The following CTCF variants were observed in gnomAD, a reference collection of about 807,000 sequenced individuals.
CTCF encodes the protein CCCTC-binding factor.
In CTCF, 7 loss-of-function variants were observed where a neutral mutation model predicts 72.3. The ratio of observed to expected loss-of-function variants is 0.10; its 90% confidence interval spans 0.06 to 0.18. The LOEUF (loss-of-function observed/expected upper bound fraction) is 0.18. CTCF is among the 10% of genes least tolerant of loss of function. The pLI, the probability that CTCF is intolerant of heterozygous loss-of-function variation, is 1.00. For synonymous variants in CTCF, 374 were observed against 315.8 expected, an observed-to-expected ratio of 1.18 and a Z score of -1.95; for missense variants, 516 against 949.1, an observed-to-expected ratio of 0.54 and a Z score of 6.00.
intron 10 of CTCF, among the ~76,000 whole-genome samples, chr16:67,634,844 C>T (rs1165998806): frequency 6.6e-6 from 1 of 151,636 alleles, no homozygotes; most frequent in Non-Finnish European, 1.5e-5. Context: ...GCTGGGATTA[C>T]AGGTGCCGCC....
intron 2 of CTCF, among the ~76,000 whole-genome samples, chr16:67,608,018 C>CA (rs549111284): frequency 0.13 from 14,010 of 105,660 alleles, 1,902 homozygotes; most frequent in African/African-American, 0.38. Flanking sequence ...GACTCCGACT[C>CA]AAAAAAAAAA....
chr16:67,625,473 T>G (rs2052270743), intron 7 of CTCF, among the ~76,000 whole-genome samples: 1 of 152,252 alleles, frequency 6.6e-6, no homozygotes, highest in Non-Finnish European at 1.5e-5. Flanking sequence ...GTGCTAGGAT[T>G]ACAGGCGTGA....
intron 2 of CTCF, among the ~76,000 whole-genome samples, chr16:67,608,537 G>A (rs1341857303): frequency 2.0e-5 from 3 of 152,094 alleles, no homozygotes; most frequent in Admixed American, 2.0e-4. Context: ...GACAGGGTGG[G>A]GAAAATGGGG....
chr16:67,630,172 C>G (rs2052345663), intron 10 of CTCF, among the ~76,000 whole-genome samples: 1 of 152,108 alleles, frequency 6.6e-6, no homozygotes. Context: ...AGCAGAGTTT[C>G]TTTTCCTATG....
rs2052317865 is a variant in CTCF at position 67,628,282 on chromosome 16, A to G, written c.1519-88A>G. On this transcript the variant is annotated intron_variant, in intron 8 of 11. Coordinates refer to ENST00000264010, the MANE Select transcript of CTCF (RefSeq NM_006565.4). ...AGTCTAGACCTAGCTTGGGTGAGAA[A>G]TACCTGTTGGCCACATGCATGCAGG... 4.1e-6 allele frequency: 5 copies of G among 1,222,372 alleles called. No homozygotes were observed. The Admixed American group carries it at 1.2e-4, about 29-fold the overall frequency. The allele number at this position is 1,222,372 out of a possible 1,614,324, so 75.7% of individuals were successfully genotyped here.
intron 5 of CTCF, among the ~76,000 whole-genome samples, chr16:67,617,174 C>T (rs75062066): frequency 1.3e-5 from 2 of 151,406 alleles, no homozygotes; most frequent in Non-Finnish European, 2.9e-5. Context: ...CCAGCTTGAC[C>T]AACATGGAGA....
chr16:67,618,759 G>C (rs915741735), intron 5 of CTCF, among the ~76,000 whole-genome samples: 6 of 152,136 alleles, frequency 3.9e-5, no homozygotes. Flanking sequence ...GATTCTAATA[G>C]CAATAAAATA....
chr16:67,632,515 T>TCCTGA (rs1415476657), intron 10 of CTCF, among the ~76,000 whole-genome samples: 1 of 152,208 alleles, frequency 6.6e-6, no homozygotes, highest in Non-Finnish European at 1.5e-5. Flanking sequence ...GTCTTACTTG[T>TCCTGA]CCTGACCCAG....
At chr16:67,589,269 C>G (rs180967360) in intron 2 of CTCF, among the ~76,000 whole-genome samples, 147 of 152,146 alleles carry the variant, frequency 9.7e-4, no homozygotes, top group South Asian at 1.9e-3. Flanking sequence ...TGCGCTCACT[C>G]CAGTCTGGGA....
intron 2 of CTCF, among the ~76,000 whole-genome samples, chr16:67,608,278 C>T (rs56237059): frequency 0.017 from 2,494 of 149,110 alleles, 71 homozygotes; most frequent in African/African-American, 0.055. Context: ...GAGCGGAGAT[C>T]GTGCCACTGC....
intron 2 of CTCF, among the ~76,000 whole-genome samples, chr16:67,576,943 C>T (rs1317007440): frequency 1.3e-5 from 2 of 152,050 alleles, no homozygotes; most frequent in African/African-American, 2.4e-5. Context: ...GGTATGATCT[C>T]GTGAGAGTAA....
intron 1 of CTCF, among the ~76,000 whole-genome samples, chr16:67,564,443 C>T (rs183254416): frequency 6.6e-6 from 1 of 152,224 alleles, no homozygotes; most frequent in Non-Finnish European, 1.5e-5. Flanking sequence ...TCACTGCAGT[C>T]CTCTTCGTAG....
chr16:67,628,631 T>G, intron 9 of CTCF, 79 bp downstream of exon 9: 1 of 1,401,118 alleles, frequency 7.1e-7, no homozygotes, highest in Non-Finnish European at 9.9e-7. Flanking sequence ...GCATGGTAGT[T>G]TTTTTCACTG....
chr16:67,595,608 G>A (rs910206526), intron 2 of CTCF, among the ~76,000 whole-genome samples: 1 of 152,046 alleles, frequency 6.6e-6, no homozygotes. Flanking sequence ...TGCATGTATT[G>A]TTTCATTGGG....
intron 2 of CTCF, among the ~76,000 whole-genome samples, chr16:67,573,720 A>C (rs2051456857): frequency 6.6e-6 from 1 of 151,922 alleles, no homozygotes. Flanking sequence ...TTCACATAAC[A>C]ACCACCATCA....
intron 2 of CTCF, among the ~76,000 whole-genome samples, chr16:67,609,624 CTTTTT>C (rs921342687): frequency 7.4e-6 from 1 of 135,414 alleles, no homozygotes; most frequent in Non-Finnish European, 1.6e-5. Flanking sequence ...CCTGATAATT[CTTTTT>C]TTTTTTTTTT....
chr16:67,569,625 CTG>C (rs1309044116), intron 1 of CTCF, among the ~76,000 whole-genome samples: 1 of 151,742 alleles, frequency 6.6e-6, no homozygotes, highest in Non-Finnish European at 1.5e-5. Context: ...ACTAAAAAAA[CTG>C]TTTCATTGCT....
In CTCF at chr16:67,621,238, G is replaced by A. The variant is rs570009534; in HGVS notation, c.1208-204G>A. The A allele has an allele frequency of 4.1e-4, 207 of 498,894 alleles. 2 individuals carry two copies. Among genetic ancestry groups the A allele is most frequent in the South Asian group, 3.0e-4 (9 of 29,600 alleles). The allele number at this position is 498,894 out of a possible 1,614,324, so 30.9% of individuals were successfully genotyped here. On this transcript the variant is annotated intron_variant, in intron 6 of 11. Transcript: ENST00000264010. ...TGTGGAGGATTCCAGAGTAGAGCTG[G>A]GCAGAGCAGAGGTGGCCAGCAGCAG...
chr16:67,624,071 ATGTGTGTGTGTGTGTGTGTGTGTGTG>A (rs58387336), intron 7 of CTCF, among the ~76,000 whole-genome samples: 22 of 117,586 alleles, frequency 1.9e-4, no homozygotes, highest in South Asian at 5.8e-4. Flanking sequence ...AAAATTATAT[ATGTGTGTGTGTGTGTGTGTGTGTGTG>A]TGTGTGTGTG....
Sources: allele counts gnomAD v4.1 joint callset (sites outside exome capture counted in the v4.1 genomes callset), GRCh38; gene constraint gnomAD v4.1.1; transcripts MANE v1.5; gene names NCBI Gene and HGNC (gene_info 2026-07-23, HGNC 2026-07-21).